TMC2: variants seen among roughly 807,000 people sequenced by gnomAD.
The protein encoded by TMC2 is transmembrane channel like 2, also known as transmembrane channel-like protein 2.
In TMC2, 102 loss-of-function variants were observed where a neutral mutation model predicts 105.9. The observed-to-expected ratio is 0.96, with a 90% CI of 0.82 to 1.14. The LOEUF (loss-of-function observed/expected upper bound fraction) is 1.14, where lower values mean the gene tolerates loss of function less well. TMC2 is among the 50% of genes most tolerant of loss of function. The pLI, the probability that TMC2 is intolerant of heterozygous loss-of-function variation, is 0.00. For missense variants in TMC2, 1,093 were observed against 1,134.3 expected (o/e 0.96, Z 0.52); for synonymous variants, 402 against 422.8 (o/e 0.95, Z 0.60).
At chr20:2,539,845 A>AG (rs1334744295) in intron 2 of TMC2, among the ~76,000 whole-genome samples, 1 of 152,172 alleles carries the variant, frequency 6.6e-6, no homozygotes, top group Admixed American at 6.5e-5. Context: ...GTCTTATCAA[A>AG]GACTATTTTT....
At chr20:2,563,921 T>C (rs2086045245) in intron 4 of TMC2, among the ~76,000 whole-genome samples, 1 of 152,012 alleles carries the variant, frequency 6.6e-6, no homozygotes, top group Admixed American at 6.6e-5. Context: ...GGATACAGGG[T>C]CTCGCTATGT....
At chr20:2,620,392 CA>C (rs1342144662) in intron 16 of TMC2, among the ~76,000 whole-genome samples, 2 of 152,162 alleles carry the variant, frequency 1.3e-5, no homozygotes, top group East Asian at 1.9e-4. Context: ...TCTGAAAGAT[CA>C]AAAGGTCTGA....
At chr20:2,559,712 T>C (rs2086011951) in intron 3 of TMC2, among the ~76,000 whole-genome samples, 1 of 152,174 alleles carries the variant, frequency 6.6e-6, no homozygotes, top group Admixed American at 6.5e-5. Context: ...CACTGATTTT[T>C]TTCCTGTCGC....
chr20:2,639,327 G>C (rs752915655), intron 19 of TMC2, among the ~76,000 whole-genome samples: 24 of 152,200 alleles, frequency 1.6e-4, no homozygotes, highest in Non-Finnish European at 2.8e-4. Flanking sequence ...GCAACTTCCA[G>C]TCCTGCAAGC....
At chr20:2,551,517 T>G (rs1011332564) in intron 2 of TMC2, among the ~76,000 whole-genome samples, 4 of 152,172 alleles carry the variant, frequency 2.6e-5, no homozygotes, top group African/African-American at 7.2e-5. Flanking sequence ...TCGTATTTTA[T>G]TCTTTGTTTT....
chr20:2,591,521 T>C (rs976201857), intron 7 of TMC2, among the ~76,000 whole-genome samples: 3 of 151,842 alleles, frequency 2.0e-5, no homozygotes, highest in Non-Finnish European at 4.4e-5. Flanking sequence ...CTGGGCAACA[T>C]GGCAAAACCT....
At position 2,607,379 on chromosome 20, in the gene TMC2, T is replaced by TCTC. The variant is rs1288200104; in HGVS notation, c.1414-3039_1414-3037dup. Among the ~76,000 whole-genome samples, 5 of 152,318 alleles carry TCTC rather than the reference T, an allele frequency of 3.3e-5. No homozygotes were observed. In the East Asian group the frequency reaches 7.7e-4, roughly 23 times the overall value. ...TCTCTCTGCTCAATTTCAATTCTGT[T>TCTC]CTCAGAATAGTCTCCTTCATGTTGT... On this transcript the variant is annotated intron_variant, in intron 11 of 19. Transcript: ENST00000358864.
chr20:2,610,583 TGAC>T lies in TMC2; in HGVS notation c.1580_1582del (p.Asp527del), dbSNP rs1180045727. ...ACACATTTCTCTTGGCCCTGATGGA[TGAC>T]GTCCACCTCAAGGTAAAAACCACAA... On this transcript the variant is annotated inframe_deletion, in exon 12 of 20. Transcript: ENST00000358864. The T allele has an allele frequency of 2.5e-6, 4 of 1,600,586 alleles. No homozygotes were observed. Among genetic ancestry groups the T allele is most frequent in the Non-Finnish European group, 3.4e-6 (4 of 1,172,620 alleles).
chr20:2,641,026 C>T (rs928445052), intron 19 of TMC2, 108 bp from the exon 20 acceptor site: 8 of 948,808 alleles, frequency 8.4e-6, no homozygotes, highest in Non-Finnish European at 1.3e-5. Flanking sequence ...TCTCACATCA[C>T]CAAATAGGAC....
In TMC2 at chr20:2,642,405, CTCTTA is replaced by C. The variant is rs1387746184; in HGVS notation, c.*1059_*1063del. On this transcript the variant is annotated 3_prime_UTR_variant, in exon 20 of 20. Coordinates refer to ENST00000358864, the MANE Select transcript of TMC2 (RefSeq NM_080751.3). ...CAGGAGCGAGTGAGTTGCCCAGTGC[CTCTTA>C]TCTTGGAAGGAAACCTGCCTTACCC... Among the ~76,000 whole-genome samples, 1 of 152,116 alleles carries C rather than the reference CTCTTA, an allele frequency of 6.6e-6. No homozygotes were observed. The highest frequency in any genetic ancestry group is 2.4e-5 in the African/African-American group (1 of 41,396).
chr20:2,553,827 C>G (rs1322478782), intron 2 of TMC2, among the ~76,000 whole-genome samples: 2 of 152,142 alleles, frequency 1.3e-5, no homozygotes, highest in Non-Finnish European at 2.9e-5. Context: ...TCGAGTTCTT[C>G]TGGGCCAGCA....
intron 16 of TMC2, chr20:2,618,116 C>T (rs138312990): frequency 1.4e-4 from 22 of 152,360 alleles, no homozygotes; most frequent in African/African-American, 5.3e-4. Flanking sequence ...CTTCTTCCCT[C>T]TATCTAACTG....
intron 11 of TMC2, among the ~76,000 whole-genome samples, chr20:2,610,101 GGCT>G (rs2146235373): frequency 6.6e-6 from 1 of 152,190 alleles, no homozygotes; most frequent in South Asian, 2.1e-4. Context: ...TGCCTGCCTC[GGCT>G]TCCCAAAGTG....
At chr20:2,581,099 C>A (rs749442360) in intron 7 of TMC2, among the ~76,000 whole-genome samples, 4 of 152,132 alleles carry the variant, frequency 2.6e-5, no homozygotes, top group Non-Finnish European at 4.4e-5. Flanking sequence ...CTTACTGACT[C>A]CTATTTTGTT....
At chr20:2,553,022 A>C (rs896107823) in intron 2 of TMC2, among the ~76,000 whole-genome samples, 1 of 152,174 alleles carries the variant, frequency 6.6e-6, no homozygotes, top group Non-Finnish European at 1.5e-5. Flanking sequence ...GATTTTCTAC[A>C]TAGACAATTA....
At chr20:2,567,008 G>A (rs1336629569) in intron 4 of TMC2, among the ~76,000 whole-genome samples, 2 of 152,232 alleles carry the variant, frequency 1.3e-5, no homozygotes, top group African/African-American at 4.8e-5. Flanking sequence ...AAAGGCAAGT[G>A]GGGAAGCCTG....
chr20:2,618,397 G>A (rs2422801), intron 16 of TMC2: 88,948 of 152,002 alleles, frequency 0.59, 27,417 homozygotes, highest in Admixed American at 0.67. Flanking sequence ...TACCATATTC[G>A]ACAGCACAGT....
At chr20:2,585,171 G>A (rs2086223459) in intron 7 of TMC2, among the ~76,000 whole-genome samples, 1 of 152,056 alleles carries the variant, frequency 6.6e-6, no homozygotes, top group Non-Finnish European at 1.5e-5. Context: ...TTGCTGAAAT[G>A]GAATTGAAAA....
rs1427417547 is a variant in TMC2, at chr20:2,594,722, C to T, written c.934-103C>T. ...GAACTCTTCCTTCGGCCCTTAGATT[C>T]GGTTAAGACTCTGAGAAAGAAATCC... On this transcript the variant is annotated intron_variant, in intron 8 of 19. Transcript: ENST00000358864. 45 of 1,260,328 alleles carry T rather than the reference C, an allele frequency of 3.6e-5. No homozygotes were observed. The South Asian group carries it at 5.2e-4, about 14-fold the overall frequency. The allele number at this position is 1,260,328 out of a possible 1,614,324, so 78.1% of individuals were successfully genotyped here.
Sources: allele counts gnomAD v4.1 joint callset (sites outside exome capture counted in the v4.1 genomes callset), GRCh38; gene constraint gnomAD v4.1.1; transcripts MANE v1.5; gene names NCBI Gene and HGNC (gene_info 2026-07-23, HGNC 2026-07-21).